Variants in SLC39A11 observed in about 807,000 individuals in gnomAD.
The protein encoded by SLC39A11 is zinc transporter ZIP11.
In SLC39A11, 33 loss-of-function variants were observed where a neutral mutation model predicts 36.1. The ratio of observed to expected loss-of-function variants is 0.91; its 90% CI spans 0.69 to 1.22. The LOEUF (loss-of-function observed/expected upper bound fraction) is 1.22. Among genes scored for constraint, SLC39A11 ranks in the 50% most tolerant of loss-of-function variants. The pLI is 0.00. For missense variants in SLC39A11, 432 were observed against 430.3 expected, an observed-to-expected ratio of 1.00 and a Z score of -0.03; for synonymous variants, 166 against 170.3, an observed-to-expected ratio of 0.97 and a Z score of 0.20.
chr17:72,941,748 T>C (rs1483369611), intron 5 of SLC39A11, among the ~76,000 whole-genome samples: 2 of 152,158 alleles, frequency 1.3e-5, no homozygotes, highest in Admixed American at 6.5e-5. Flanking sequence ...TATCTCTGCA[T>C]TGTTTATTTA....
intron 6 of SLC39A11, among the ~76,000 whole-genome samples, chr17:72,792,587 G>A (rs1054521235): frequency 6.6e-6 from 1 of 152,172 alleles, no homozygotes; most frequent in Admixed American, 6.5e-5. Context: ...CCAAGCTCCT[G>A]TGCTCCAGAG....
intron 6 of SLC39A11, among the ~76,000 whole-genome samples, chr17:72,847,239 C>T (rs914485017): frequency 6.6e-6 from 1 of 151,940 alleles, no homozygotes; most frequent in African/African-American, 2.4e-5. Context: ...CCCGTCTCTT[C>T]GAAAAATACA....
chr17:72,905,172 CAA>C (rs58702930), intron 5 of SLC39A11, among the ~76,000 whole-genome samples: 3 of 42,900 alleles, frequency 7.0e-5, no homozygotes, highest in Admixed American at 4.2e-4. Context: ...GACTCCATCT[CAA>C]AAAAAAAAAA....
intron 7 of SLC39A11, among the ~76,000 whole-genome samples, chr17:72,734,951 A>G (rs1299956591): frequency 6.6e-6 from 1 of 152,210 alleles, no homozygotes; most frequent in Non-Finnish European, 1.5e-5. Context: ...TGCCAGGGGC[A>G]GAAGAGCTAC....
At chr17:72,785,109 G>A (rs563640527) in intron 6 of SLC39A11, among the ~76,000 whole-genome samples, 17 of 152,018 alleles carry the variant, frequency 1.1e-4, no homozygotes, top group Non-Finnish European at 1.9e-4. Context: ...CTCATGATCC[G>A]CCCACCTCAG....
At position 72,729,443 on chromosome 17, in the gene SLC39A11, ATATATATATATATATTTTTTTTTTT is replaced by A. The variant is rs1191696529; in HGVS notation, c.671+7182_671+7206del. Among the ~76,000 whole-genome samples the A allele has an allele frequency of 4.8e-3, 11 of 2,302 alleles. 1 individual carries two copies. The highest frequency in any genetic ancestry group is 0.019 in the African/African-American group (10 of 520). The allele number at this position is 2,302 out of a possible 152,430, so 1.5% of individuals were successfully genotyped here. On this transcript the variant is annotated intron_variant, in intron 7 of 9. Transcript: ENST00000255559. ...TATATATATATATATATATATATAT[ATATATATATATATATTTTTTTTTTT>A]TTTTTTTTTTGTAGAGACAGGGTTT...
chr17:72,835,904 TCTTGGCCTTTCTGCTCTAAAGG>T (rs2078520651), intron 6 of SLC39A11, among the ~76,000 whole-genome samples: 1 of 152,196 alleles, frequency 6.6e-6, no homozygotes, highest in South Asian at 2.1e-4. Context: ...AGGATCCAAG[TCTTGGCCTTTCTGCTCTAAAGG>T]TTGTGCTTGT....
intron 7 of SLC39A11, among the ~76,000 whole-genome samples, chr17:72,666,122 G>A (rs1042853872): frequency 6.6e-6 from 1 of 152,148 alleles, no homozygotes. Context: ...AAAATAAGGA[G>A]GTTAAATTGG....
chr17:72,954,969 A>G (rs193278507), intron 4 of SLC39A11, among the ~76,000 whole-genome samples: 39 of 152,318 alleles, frequency 2.6e-4, no homozygotes, highest in African/African-American at 9.4e-4. Flanking sequence ...CAGAATCCCT[A>G]AAGACAAGGA....
chr17:72,960,468 CA>C (rs1273183717), intron 4 of SLC39A11, among the ~76,000 whole-genome samples: 6 of 151,978 alleles, frequency 3.9e-5, no homozygotes, highest in African/African-American at 1.5e-4. Context: ...CTGGAGATTA[CA>C]AAAACCAAGA....
chr17:72,790,380 C>T (rs953082628), intron 6 of SLC39A11, among the ~76,000 whole-genome samples: 4 of 152,110 alleles, frequency 2.6e-5, no homozygotes, highest in South Asian at 2.1e-4. Context: ...ACAACAAAAC[C>T]GCACCCTTCT....
At chr17:72,690,858 A>G (rs1490502167) in intron 7 of SLC39A11, among the ~76,000 whole-genome samples, 1 of 152,132 alleles carries the variant, frequency 6.6e-6, no homozygotes, top group African/African-American at 2.4e-5. Flanking sequence ...GAGACCAACA[A>G]GACCAGGTCC....
chr17:72,729,407 A>T (rs113002272), intron 7 of SLC39A11, among the ~76,000 whole-genome samples: 4,686 of 10,506 alleles, frequency 0.45, 347 homozygotes, highest in Non-Finnish European at 0.47. Flanking sequence ...CTGGCTATTT[A>T]TATATATATA....
chr17:72,717,404 G>T (rs924761284), intron 7 of SLC39A11, among the ~76,000 whole-genome samples: 1 of 152,064 alleles, frequency 6.6e-6, no homozygotes, highest in Non-Finnish European at 1.5e-5. Flanking sequence ...TTGTCCGCAG[G>T]GCTATGCTCC....
At chr17:72,719,890 T>TG (rs1481443790) in intron 7 of SLC39A11, among the ~76,000 whole-genome samples, 1 of 152,108 alleles carries the variant, frequency 6.6e-6, no homozygotes, top group African/African-American at 2.4e-5. Flanking sequence ...GAGACGCTGC[T>TG]GCCCGGCGGA....
chr17:73,079,190 C>T (rs888700001), intron 3 of SLC39A11, among the ~76,000 whole-genome samples: 2 of 152,064 alleles, frequency 1.3e-5, no homozygotes, highest in Admixed American at 6.6e-5. Flanking sequence ...CTCTGCCTCC[C>T]CGGTTCAAGC....
At chr17:72,787,536 C>A (rs948301259) in intron 6 of SLC39A11, among the ~76,000 whole-genome samples, 1 of 151,768 alleles carries the variant, frequency 6.6e-6, no homozygotes, top group Non-Finnish European at 1.5e-5. Flanking sequence ...GGATTACAGG[C>A]GTGAGCCACC....
chr17:72,754,031 T>TAC (rs2075263216), intron 6 of SLC39A11, among the ~76,000 whole-genome samples: 3 of 116,024 alleles, frequency 2.6e-5, no homozygotes, highest in East Asian at 2.6e-4. Flanking sequence ...TATATATATA[T>TAC]ATATATATAT....
At chr17:72,711,141 G>A (rs9912103) in intron 7 of SLC39A11, among the ~76,000 whole-genome samples, 2,605 of 152,208 alleles carry the variant, frequency 0.017, 64 homozygotes, top group African/African-American at 0.056. Flanking sequence ...CAATCCTCAG[G>A]ACTCAGCCTG....
Sources: gnomAD v4.1 joint callset for allele counts (sites outside exome capture counted in the v4.1 genomes callset) on GRCh38, gnomAD v4.1.1 for gene constraint, MANE v1.5 for transcripts, NCBI Gene and HGNC (gene_info 2026-07-23, HGNC 2026-07-21) for gene names.